The following CSGALNACT1 variants were observed in gnomAD, a reference collection of about 807,000 sequenced individuals.
The protein encoded by CSGALNACT1 is chondroitin sulfate N-acetylgalactosaminyltransferase 1, also known as beta4GalNAcT-1.
A neutral mutation model predicts 51.0 loss-of-function variants in CSGALNACT1; 52 were observed. The ratio of observed to expected loss-of-function variants is 1.02; its 90% CI spans 0.82 to 1.29. The LOEUF is 1.29. Ranked by LOEUF, CSGALNACT1 falls within the 50% of genes most tolerant of loss-of-function variation. The pLI is 0.00. For synonymous variants in CSGALNACT1, 341 were observed against 254.4 expected (o/e 1.34, Z -3.24); for missense variants, 935 against 679.2 (o/e 1.38, Z -4.19).
At chr8:19,511,045 A>T (rs1325490712) in intron 3 of CSGALNACT1, among the ~76,000 whole-genome samples, 5 of 152,252 alleles carry the variant, frequency 3.3e-5, no homozygotes, top group African/African-American at 1.2e-4. Context: ...GAAGCTCATA[A>T]ATCAAGAAAG....
chr8:19,696,408 A>T (rs1476214335), intron 1 of CSGALNACT1, among the ~76,000 whole-genome samples: 1 of 152,212 alleles, frequency 6.6e-6, no homozygotes, highest in Non-Finnish European at 1.5e-5. Context: ...CAAGGGGCTC[A>T]CTGTTTAGCA....
At chr8:19,451,746 G>T (rs1189934160) in intron 5 of CSGALNACT1, among the ~76,000 whole-genome samples, 3 of 152,178 alleles carry the variant, frequency 2.0e-5, no homozygotes, top group Non-Finnish European at 4.4e-5. Context: ...ATTGTAAGTT[G>T]AAGCCATGCA....
At chr8:19,627,502 A>G (rs2054599842) in intron 1 of CSGALNACT1, among the ~76,000 whole-genome samples, 1 of 152,094 alleles carries the variant, frequency 6.6e-6, no homozygotes. Flanking sequence ...ACATTTCATA[A>G]AACTATACAC....
At chr8:19,430,091 C>G (rs1456351215) in intron 6 of CSGALNACT1, among the ~76,000 whole-genome samples, 1 of 152,184 alleles carries the variant, frequency 6.6e-6, no homozygotes, top group Non-Finnish European at 1.5e-5. Context: ...TAAATTCTCT[C>G]TCTAGTTATT....
intron 4 of CSGALNACT1, among the ~76,000 whole-genome samples, chr8:19,503,717 C>G (rs968586028): frequency 2.6e-5 from 4 of 151,792 alleles, no homozygotes; most frequent in African/African-American, 9.7e-5. Context: ...TGTGTGCTTA[C>G]CATGTGCTTA....
chr8:19,519,541 G>A (rs570011427), intron 3 of CSGALNACT1, among the ~76,000 whole-genome samples: 1 of 152,284 alleles, frequency 6.6e-6, no homozygotes, highest in South Asian at 2.1e-4. Context: ...AGAGAACCCT[G>A]GAAATAGGAC....
intron 3 of CSGALNACT1, among the ~76,000 whole-genome samples, chr8:19,558,394 C>T (rs567489729): frequency 4.6e-5 from 7 of 152,240 alleles, no homozygotes; most frequent in African/African-American, 1.7e-4. Context: ...CTTCTTAACA[C>T]TATTTTAGAA....
chr8:19,583,075 C>T (rs2045921722), intron 3 of CSGALNACT1, among the ~76,000 whole-genome samples: 1 of 152,110 alleles, frequency 6.6e-6, no homozygotes, highest in South Asian at 2.1e-4. Flanking sequence ...ACACTTTAAA[C>T]ACATGCAATT....
intron 1 of CSGALNACT1, among the ~76,000 whole-genome samples, chr8:19,669,248 C>T (rs557768422): frequency 4.6e-5 from 7 of 152,134 alleles, no homozygotes; most frequent in African/African-American, 1.7e-4. Flanking sequence ...AGACATGCAA[C>T]CACAGAAGAG....
chr8:19,461,687 A>G (rs369054979), intron 4 of CSGALNACT1, among the ~76,000 whole-genome samples: 7 of 148,926 alleles, frequency 4.7e-5, no homozygotes, highest in African/African-American at 1.5e-4. Flanking sequence ...CACATTCACC[A>G]TGGGGGGCGT....
chr8:19,548,592 T>C (rs924842695), intron 3 of CSGALNACT1, among the ~76,000 whole-genome samples: 1 of 152,230 alleles, frequency 6.6e-6, no homozygotes, highest in Non-Finnish European at 1.5e-5. Flanking sequence ...TGAAATATGT[T>C]AAAATTTTAC....
intron 4 of CSGALNACT1, among the ~76,000 whole-genome samples, chr8:19,497,442 C>T (rs2075686259): frequency 6.6e-6 from 1 of 152,142 alleles, no homozygotes; most frequent in African/African-American, 2.4e-5. Context: ...CTCCTGACTA[C>T]TCATCTCCTA....
At chr8:19,606,279 T>A (rs747185547), upstream of CSGALNACT1, among the ~76,000 whole-genome samples, 1 of 152,350 alleles carries the variant, frequency 6.6e-6, no homozygotes, top group East Asian at 1.9e-4. Flanking sequence ...TATATTTAAA[T>A]CTTAATGGTA....
chr8:19,588,339 T>C (rs1464579845), intron 3 of CSGALNACT1, among the ~76,000 whole-genome samples: 3 of 152,226 alleles, frequency 2.0e-5, no homozygotes, highest in Non-Finnish European at 4.4e-5. Flanking sequence ...ATATTAATAC[T>C]CCTAATATCA....
intron 1 of CSGALNACT1, among the ~76,000 whole-genome samples, chr8:19,709,370 T>C (rs2062368184): frequency 6.6e-6 from 1 of 152,220 alleles, no homozygotes; most frequent in South Asian, 2.1e-4. Flanking sequence ...GCTTATATTC[T>C]AGTGAAGGGA....
chr8:19,680,566 C>CT (rs1044424222), intron 1 of CSGALNACT1, among the ~76,000 whole-genome samples: 2 of 20,208 alleles, frequency 9.9e-5, no homozygotes, highest in Non-Finnish European at 2.0e-4. Context: ...CTCGCCCCAC[C>CT]CCCCCCCCCC....
intron 6 of CSGALNACT1, among the ~76,000 whole-genome samples, chr8:19,433,144 C>T (rs11991105): frequency 0.54 from 82,064 of 151,950 alleles, 22,529 homozygotes; most frequent in East Asian, 0.84. Flanking sequence ...CTTTATTGTG[C>T]GACCACTTAA....
chr8:19,557,500 C>A (rs1291975643), intron 3 of CSGALNACT1, among the ~76,000 whole-genome samples: 1 of 152,152 alleles, frequency 6.6e-6, no homozygotes, highest in African/African-American at 2.4e-5. Flanking sequence ...CACCTCAAAG[C>A]CCCCACACTT....
intron 1 of CSGALNACT1, among the ~76,000 whole-genome samples, chr8:19,641,467 A>C (rs571218518): frequency 6.6e-6 from 1 of 152,286 alleles, no homozygotes; most frequent in South Asian, 2.1e-4. Context: ...AAATGTTTTT[A>C]TCTGGACAGC....
Sources: allele counts gnomAD v4.1 joint callset (sites outside exome capture counted in the v4.1 genomes callset), GRCh38; gene constraint gnomAD v4.1.1; transcripts MANE v1.5; gene names NCBI Gene and HGNC (gene_info 2026-07-23, HGNC 2026-07-21).